Variants in COL28A1 observed in about 807,000 individuals in gnomAD.
COL28A1 encodes the protein collagen alpha-1(XXVIII) chain.
COL28A1 carries 161 observed loss-of-function variants against 150.2 expected under a neutral mutation model. The ratio of observed to expected loss-of-function variants is 1.07; its 90% confidence interval spans 0.94 to 1.22. The LOEUF is 1.22. COL28A1 is among the 50% of genes most tolerant of loss of function. The pLI is 0.00. For missense variants in COL28A1, 1,617 were observed against 1,388.3 expected (o/e 1.16, Z -2.62); for synonymous variants, 552 against 469.7 (o/e 1.18, Z -2.26).
chr7:7,360,672 G>A lies in COL28A1; in HGVS notation c.3067-144C>T, dbSNP rs886121902. On this transcript the variant is annotated intron_variant, in intron 33 of 34. Coordinates refer to ENST00000399429, the MANE Select transcript of COL28A1 (RefSeq NM_001037763.3). ...TACTAACTATTTCAAATAAAACTCA[G>A]GAAATAATGCCCCTCCTCTGTGTCA... is the stretch of plus-strand genomic sequence containing the variant. 4 of 725,294 alleles carry A rather than the reference G, an allele frequency of 5.5e-6. No homozygotes were observed. In the African/African-American group the frequency reaches 7.3e-5, roughly 13 times the overall value. The allele number at this position is 725,294 out of a possible 1,614,324, so 44.9% of individuals were successfully genotyped here.
intron 27 of COL28A1, among the ~76,000 whole-genome samples, chr7:7,406,086 T>A (rs1389767401): frequency 6.6e-6 from 1 of 152,140 alleles, no homozygotes; most frequent in African/African-American, 2.4e-5. Context: ...TTTAAAAAAA[T>A]CAAATCCAGC....
chr7:7,425,356 T>A (rs765343256), intron 25 of COL28A1, among the ~76,000 whole-genome samples: 7 of 152,154 alleles, frequency 4.6e-5, no homozygotes, highest in African/African-American at 7.2e-5. Context: ...TGCAAAGACC[T>A]CGGCTGTTTG....
chr7:7,466,402 G>A (rs1298190651), intron 15 of COL28A1, among the ~76,000 whole-genome samples: 1 of 139,988 alleles, frequency 7.1e-6, no homozygotes, highest in African/African-American at 2.7e-5. Context: ...GGGAAGTTTA[G>A]AGAAAAAAGA....
downstream of COL28A1, among the ~76,000 whole-genome samples, chr7:7,355,134 A>G (rs1057085748): frequency 2.6e-5 from 4 of 152,210 alleles, no homozygotes. Context: ...AACTATGAAG[A>G]TATTAGCAAC....
intron 4 of COL28A1, among the ~76,000 whole-genome samples, chr7:7,522,856 TA>T (rs1781810254): frequency 7.3e-6 from 1 of 136,380 alleles, no homozygotes; most frequent in Non-Finnish European, 1.6e-5. Context: ...ATACATTTTA[TA>T]ACGTTTTTAA....
At chr7:7,490,709 G>T in intron 11 of COL28A1, 63 bp from the exon 12 acceptor site, 1 of 776,084 alleles carries the variant, frequency 1.3e-6, no homozygotes, top group Admixed American at 2.0e-5. Flanking sequence ...TGACTAAGCA[G>T]CTTTTAGATG....
At chr7:7,537,216 G>A (rs929281295), upstream of COL28A1, among the ~76,000 whole-genome samples, 2 of 152,164 alleles carry the variant, frequency 1.3e-5, no homozygotes, top group Non-Finnish European at 2.9e-5. Context: ...ACCAGCCCTG[G>A]ACAGGATGCA....
At chr7:7,539,501 T>C (rs1157063263), upstream of COL28A1, among the ~76,000 whole-genome samples, 1 of 151,996 alleles carries the variant, frequency 6.6e-6, no homozygotes. Flanking sequence ...CTTCCAACAG[T>C]GGGGATGAAA....
chr7:7,392,392 T>C (rs1441529195), intron 27 of COL28A1, among the ~76,000 whole-genome samples: 1 of 152,234 alleles, frequency 6.6e-6, no homozygotes, highest in Non-Finnish European at 1.5e-5. Flanking sequence ...CCTTTCTCTC[T>C]GGCTGCCCTT....
At chr7:7,488,775 A>G (rs1779759944) in intron 13 of COL28A1, among the ~76,000 whole-genome samples, 1 of 152,248 alleles carries the variant, frequency 6.6e-6, no homozygotes, top group Admixed American at 6.5e-5. Flanking sequence ...GAAATCCATT[A>G]TAAAGTATAA....
chr7:7,489,529 C>A, intron 12 of COL28A1, 72 bp from the exon 13 acceptor site: 1 of 841,450 alleles, frequency 1.2e-6, no homozygotes, highest in Non-Finnish European at 2.0e-6. Flanking sequence ...AAAGTTCTCT[C>A]AAGATTTCAA....
intron 8 of COL28A1, chr7:7,511,785 C>G: frequency 2.1e-6 from 1 of 471,060 alleles, no homozygotes; most frequent in South Asian, 1.5e-5. Flanking sequence ...GGCTTGGCAG[C>G]AAGCATGCTA....
intron 27 of COL28A1, among the ~76,000 whole-genome samples, chr7:7,409,261 T>A (rs1783654584): frequency 6.6e-6 from 1 of 152,144 alleles, no homozygotes; most frequent in South Asian, 2.1e-4. Flanking sequence ...AACAATGAAA[T>A]TCATGCGCTA....
the COL28A1 span, among the ~76,000 whole-genome samples, chr7:7,541,616 G>C: frequency 6.6e-6 from 1 of 152,160 alleles, no homozygotes; most frequent in African/African-American, 2.4e-5. Context: ...TTTGTAGAAA[G>C]ACATAGTGTG....
chr7:7,491,771 C>T (rs537215459), intron 11 of COL28A1, among the ~76,000 whole-genome samples: 12 of 152,302 alleles, frequency 7.9e-5, no homozygotes, highest in African/African-American at 2.6e-4. Context: ...GGCTTTAAGC[C>T]CTGTGGCATG....
intron 8 of COL28A1, among the ~76,000 whole-genome samples, chr7:7,512,201 C>T (rs933257723): frequency 2.0e-5 from 3 of 152,038 alleles, no homozygotes; most frequent in Middle Eastern, 3.4e-3. Flanking sequence ...AGGGTGGTTA[C>T]CAGGGGTAAT....
rs769011278 is a variant in COL28A1, at chr7:7,360,468, C to T, written c.3127G>A (p.Asp1043Asn). The change falls in exon 34 of 35, where the codon GAT (aspartate) becomes AAT (asparagine). Residue 1043 changes from aspartate to asparagine, a missense_variant. Asp to Asn is a conservative substitution (Grantham distance 23, BLOSUM62 1). Transcript: ENST00000399429. ...DKAPEPTWAD[D>N]LPATTSSEAT... is the part of the protein sequence containing the mutation. ...TCAGATGAGGTAGTGGCAGGCAGAT[C>T]ATCAGCCCACGTTGGCTCTGGAGCC... 11 of 1,609,792 alleles carry T rather than the reference C, an allele frequency of 6.8e-6. No individual in the cohort carries two copies. In the South Asian group the frequency reaches 7.8e-5, roughly 11 times the overall value.
intron 13 of COL28A1, among the ~76,000 whole-genome samples, chr7:7,481,343 T>C (rs190506804): frequency 3.8e-4 from 58 of 152,346 alleles, no homozygotes; most frequent in Non-Finnish European, 6.6e-4. Context: ...CAGAGTAGTA[T>C]TCCACGCCAT....
chr7:7,437,487 A>G (rs910512713), intron 21 of COL28A1, 25 bp from the exon 22 acceptor site: 2 of 1,608,358 alleles, frequency 1.2e-6, no homozygotes, highest in Non-Finnish European at 1.7e-6. Flanking sequence ...AATGCTCACT[A>G]CATTTCAAGC....
Sources: allele counts gnomAD v4.1 joint callset (sites outside exome capture counted in the v4.1 genomes callset), GRCh38; gene constraint gnomAD v4.1.1; transcripts MANE v1.5; gene names NCBI Gene and HGNC (gene_info 2026-07-23, HGNC 2026-07-21).